The following EPHA6 variants were observed in gnomAD, a reference collection of about 807,000 sequenced individuals.
The protein encoded by EPHA6 is ephrin type-A receptor 6.
In EPHA6, 50 loss-of-function variants were observed where a neutral mutation model predicts 112.0. The observed-to-expected ratio is 0.45, with a 90% CI of 0.36 to 0.56. EPHA6 has a LOEUF of 0.56. Among genes scored for constraint, EPHA6 ranks in the 20% least tolerant of loss-of-function variants. The pLI is 0.00. For synonymous variants in EPHA6, 529 were observed against 490.7 expected (o/e 1.08, Z -1.03); for missense variants, 1,280 against 1,417.4 (o/e 0.90, Z 1.56).
At chr3:97,553,488 C>A (rs1446098955) in intron 11 of EPHA6, among the ~76,000 whole-genome samples, 2 of 152,052 alleles carry the variant, frequency 1.3e-5, no homozygotes, top group East Asian at 3.9e-4. Flanking sequence ...AAACTTACAA[C>A]CATGGCAGAA....
intron 3 of EPHA6, among the ~76,000 whole-genome samples, chr3:97,202,263 G>A (rs1228571297): frequency 6.6e-6 from 1 of 151,986 alleles, no homozygotes; most frequent in African/African-American, 2.4e-5. Flanking sequence ...TATTAAAATT[G>A]ATAACACTCT....
chr3:97,001,935 A>T (rs979695346), intron 3 of EPHA6, among the ~76,000 whole-genome samples: 1 of 152,094 alleles, frequency 6.6e-6, no homozygotes, highest in Non-Finnish European at 1.5e-5. Context: ...CTCTTGAAAG[A>T]TGGAAACACT....
At chr3:96,946,319 C>T (rs553836579) in intron 2 of EPHA6, among the ~76,000 whole-genome samples, 2 of 151,760 alleles carry the variant, frequency 1.3e-5, no homozygotes, top group Non-Finnish European at 2.9e-5. Context: ...GCTATCCCTC[C>T]CCCCCTTCCC....
At chr3:97,208,664 T>C (rs1021794564) in intron 3 of EPHA6, among the ~76,000 whole-genome samples, 4 of 152,018 alleles carry the variant, frequency 2.6e-5, no homozygotes, top group African/African-American at 7.3e-5. Context: ...CAAGACTTGC[T>C]TGAACCCTGG....
intron 3 of EPHA6, among the ~76,000 whole-genome samples, chr3:97,077,164 A>G (rs1377823841): frequency 6.6e-6 from 1 of 152,094 alleles, no homozygotes; most frequent in Non-Finnish European, 1.5e-5. Context: ...TAAATTGAAA[A>G]CTTCCTGGAA....
chr3:97,188,340 T>G (rs1337229014), intron 3 of EPHA6, among the ~76,000 whole-genome samples: 2 of 151,870 alleles, frequency 1.3e-5, no homozygotes, highest in Admixed American at 1.3e-4. Flanking sequence ...AAAAATAAAT[T>G]TAAAAAATAT....
intron 12 of EPHA6, 105 bp downstream of exon 12, chr3:97,592,842 G>A: frequency 8.0e-7 from 1 of 1,249,628 alleles, no homozygotes; most frequent in Non-Finnish European, 1.1e-6. Context: ...AATATATTGT[G>A]GAAAAGAAAT....
chr3:97,494,328 C>G (rs2091924022), intron 10 of EPHA6, among the ~76,000 whole-genome samples: 1 of 152,178 alleles, frequency 6.6e-6, no homozygotes. Flanking sequence ...ATCTTATAAA[C>G]TTTCCTCGCA....
At chr3:97,182,499 T>A (rs2077017049) in intron 3 of EPHA6, among the ~76,000 whole-genome samples, 1 of 151,974 alleles carries the variant, frequency 6.6e-6, no homozygotes, top group African/African-American at 2.4e-5. Flanking sequence ...AATTGACTCT[T>A]CAGAAACTAT....
chr3:97,337,647 A>G (rs1438592699), intron 5 of EPHA6, among the ~76,000 whole-genome samples: 1 of 152,190 alleles, frequency 6.6e-6, no homozygotes, highest in Non-Finnish European at 1.5e-5. Context: ...TTATGGTAGC[A>G]AGGAGGAAAC....
chr3:96,877,646 A>G (rs1472622736), intron 2 of EPHA6, among the ~76,000 whole-genome samples: 1 of 151,646 alleles, frequency 6.6e-6, no homozygotes, highest in Non-Finnish European at 1.5e-5. Context: ...TTGGCGTTAA[A>G]TGTTAAATAG....
In EPHA6 at chr3:97,616,773, A is replaced by G. The variant is rs1284127008; in HGVS notation, c.2574+5919A>G. On this transcript the variant is annotated intron_variant, in intron 13 of 17. Transcript: ENST00000389672. ...AATAAACAAAACCTCCAAGAAATAT[A>G]GGATTATGTAAAAAGATCAAATCTA... Among the ~76,000 whole-genome samples the G allele has an allele frequency of 2.0e-5, 3 of 152,178 alleles. No individual in the cohort carries two copies. The East Asian group carries it at 5.8e-4, about 29-fold the overall frequency.
chr3:97,311,333 G>A (rs1339832642), intron 5 of EPHA6, among the ~76,000 whole-genome samples: 1 of 151,330 alleles, frequency 6.6e-6, no homozygotes, highest in East Asian at 1.9e-4. Flanking sequence ...AACCTTGTTT[G>A]TAGTTCCTCA....
At chr3:96,981,661 C>A (rs976480765) in intron 2 of EPHA6, among the ~76,000 whole-genome samples, 14 of 152,086 alleles carry the variant, frequency 9.2e-5, no homozygotes, top group African/African-American at 3.4e-4. Flanking sequence ...TGACAGAATT[C>A]TGCTGTGAAT....
At position 97,759,116 on chromosome 3, in the gene EPHA6, A is replaced by G. The variant is rs2036095333; in HGVS notation, c.*10415A>G. ...GAATTAAACAGAAGAAATGGAGTAT[A>G]AAGTAAGCTAGAGAAAAAGGAAATG... is the stretch of plus-strand genomic sequence containing the variant. On this transcript the variant is annotated 3_prime_UTR_variant, in exon 18 of 18. Coordinates refer to ENST00000389672, the MANE Select transcript of EPHA6 (RefSeq NM_001080448.3). Among the ~76,000 whole-genome samples, 1 of 152,032 alleles carries G rather than the reference A, an allele frequency of 6.6e-6. No individual in the cohort carries two copies. The highest frequency in any genetic ancestry group is 2.4e-5 in the African/African-American group (1 of 41,440).
chr3:97,590,530 C>T (rs891227925), intron 11 of EPHA6, among the ~76,000 whole-genome samples: 3 of 152,084 alleles, frequency 2.0e-5, no homozygotes, highest in African/African-American at 7.2e-5. Flanking sequence ...AACATATTAA[C>T]ATTATCTAGA....
chr3:97,677,261 G>A (rs1335260968), intron 14 of EPHA6, among the ~76,000 whole-genome samples: 1 of 152,056 alleles, frequency 6.6e-6, no homozygotes, highest in Non-Finnish European at 1.5e-5. Flanking sequence ...TACATTATAT[G>A]TTGAAATGAT....
intron 13 of EPHA6, among the ~76,000 whole-genome samples, chr3:97,628,876 C>T (rs1371478506): frequency 1.3e-5 from 2 of 151,934 alleles, no homozygotes; most frequent in Non-Finnish European, 2.9e-5. Context: ...CTAAATAACA[C>T]TCATTTTATA....
At chr3:97,326,187 A>C (rs1173381355) in intron 5 of EPHA6, among the ~76,000 whole-genome samples, 1 of 152,038 alleles carries the variant, frequency 6.6e-6, no homozygotes, top group Non-Finnish European at 1.5e-5. Context: ...AAAATAAAAA[A>C]AATCAATTCA....
Sources: allele counts gnomAD v4.1 joint callset (sites outside exome capture counted in the v4.1 genomes callset), GRCh38; gene constraint gnomAD v4.1.1; transcripts MANE v1.5; gene names NCBI Gene and HGNC (gene_info 2026-07-23, HGNC 2026-07-21).